Variants in SPATA13 observed in about 807,000 individuals in gnomAD.
SPATA13 encodes spermatogenesis-associated protein 13.
In SPATA13, 50 loss-of-function variants were observed where a neutral mutation model predicts 104.0. The ratio of observed to expected loss-of-function variants is 0.48; its 90% CI spans 0.38 to 0.61. The LOEUF (loss-of-function observed/expected upper bound fraction) is 0.61, where lower values mean the gene tolerates loss of function less well. SPATA13 is among the 20% of genes least tolerant of loss of function. SPATA13 has a pLI of 0.00. For synonymous variants in SPATA13, 606 were observed against 667.5 expected (o/e 0.91, Z 1.42); for missense variants, 1,524 against 1,690.6 (o/e 0.90, Z 1.73).
rs1877487820 is a variant in SPATA13 at position 24,305,048 on chromosome 13, G to A, written c.*2275G>A. On this transcript the variant is annotated 3_prime_UTR_variant, in exon 13 of 13. Transcript: ENST00000382108. ...CAATTTTGAACAAATTGTTTTAAAT[G>A]TAATATAAGAGAATTAGTTTAAGGA... 1 of 152,190 alleles carries A rather than the reference G, an allele frequency of 6.6e-6. No homozygotes were observed. The highest frequency in any genetic ancestry group is 1.5e-5 in the Non-Finnish European group (1 of 68,034). 9.4% of individuals were successfully genotyped at this position (152,190 alleles called of 1,614,324 possible).
chr13:24,205,676 T>G lies in SPATA13; in HGVS notation c.-111-17143T>G, dbSNP rs999753803. Among the ~76,000 whole-genome samples, 7 of 152,264 alleles carry G rather than the reference T, an allele frequency of 4.6e-5. No homozygotes were observed. The South Asian group carries it at 1.5e-3, about 32-fold the overall frequency. On this transcript the variant is annotated intron_variant, in intron 1 of 12. Coordinates refer to ENST00000382108, the MANE Select transcript of SPATA13 (RefSeq NM_001166271.3). The surrounding 1 kb of genome is among the most constrained non-coding windows in gnomAD (Gnocchi z 4.1). ...GCTGGAGGCATCACTTTACCCAACTTCAAACTATACTACAGGGTGACAGTA... is the reference window on the plus strand; with the variant it reads ...GCTGGAGGCATCACTTTACCCAACTGCAAACTATACTACAGGGTGACAGTA...
intron 3 of SPATA13, among the ~76,000 whole-genome samples, chr13:24,134,382 G>A (rs567686584): frequency 2.8e-4 from 43 of 152,282 alleles, no homozygotes; most frequent in African/African-American, 8.7e-4. Flanking sequence ...TCAGGGCATC[G>A]AACAAGCCCC....
In SPATA13 at chr13:24,303,887, T is replaced by C. The variant is rs1028193966; in HGVS notation, c.*1114T>C. 6.6e-6 allele frequency: 1 copy of C among 152,212 alleles called. No individual in the cohort carries two copies. The highest frequency in any genetic ancestry group is 2.4e-5 in the African/African-American group (1 of 41,454). 9.4% of individuals were successfully genotyped at this position (152,212 alleles called of 1,614,324 possible). On this transcript the variant is annotated 3_prime_UTR_variant, in exon 13 of 13. Transcript: ENST00000382108. ...CACCACTGCACTCCAGCCTGGGAGA[T>C]ACAGCGAGACTGTCTCCAAAAACAA... is the stretch of plus-strand genomic sequence containing the variant.
At chr13:24,213,608 G>C (rs976185022) in intron 1 of SPATA13, among the ~76,000 whole-genome samples, 1 of 152,126 alleles carries the variant, frequency 6.6e-6, no homozygotes, top group Non-Finnish European at 1.5e-5. Flanking sequence ...CCTTCTCCCT[G>C]TCCTTTTTCT....
intron 1 of SPATA13, among the ~76,000 whole-genome samples, chr13:24,174,310 T>C (rs1206776954): frequency 1.3e-5 from 2 of 152,146 alleles, no homozygotes; most frequent in African/African-American, 4.8e-5. Flanking sequence ...TTTCTATTGA[T>C]ATTTGTTTTT....
chr13:24,064,373 T>C (rs183880736), intron 3 of SPATA13, among the ~76,000 whole-genome samples: 1 of 152,310 alleles, frequency 6.6e-6, no homozygotes, highest in Non-Finnish European at 1.5e-5. Flanking sequence ...TGGAGAAACC[T>C]GGCTGCAATG....
chr13:24,005,177 ACAT>A (rs1876167076), intron 2 of SPATA13, among the ~76,000 whole-genome samples: 2 of 152,362 alleles, frequency 1.3e-5, no homozygotes, highest in South Asian at 4.1e-4. Flanking sequence ...CTGAAAGATG[ACAT>A]CAGCATTTAA....
rs557889969 is a variant in SPATA13, at chr13:24,247,806, G to A, written c.1654-1671G>A. On this transcript the variant is annotated intron_variant, in intron 2 of 12. Coordinates refer to ENST00000382108, the MANE Select transcript of SPATA13 (RefSeq NM_001166271.3). ...CTCTGCATCCACTTCTTCATGGCAC[G>A]TGGCCTCAGTGAGCATTCAGACCCT... is the stretch of plus-strand genomic sequence containing the variant. Among the ~76,000 whole-genome samples the A allele has an allele frequency of 5.3e-5, 8 of 152,196 alleles. No homozygotes were observed. In the South Asian group the frequency reaches 6.2e-4, roughly 12 times the overall value.
At chr13:24,169,759 C>T (rs1882892164) in intron 1 of SPATA13, among the ~76,000 whole-genome samples, 1 of 152,176 alleles carries the variant, frequency 6.6e-6, no homozygotes, top group Non-Finnish European at 1.5e-5. Flanking sequence ...TCCTGCAGAC[C>T]TTTCTTCTCA....
chr13:24,232,470 A>G (rs910854463), intron 2 of SPATA13, among the ~76,000 whole-genome samples: 5 of 152,248 alleles, frequency 3.3e-5, no homozygotes, highest in Admixed American at 1.3e-4. Context: ...TCTTTCACCC[A>G]ATCAAGTTGA....
chr13:24,022,987 C>T (rs1877055425), intron 3 of SPATA13, among the ~76,000 whole-genome samples: 2 of 152,072 alleles, frequency 1.3e-5, no homozygotes, highest in African/African-American at 4.8e-5. Flanking sequence ...ATGTGCACAG[C>T]GTGCAAGCTC....
intron 3 of SPATA13, among the ~76,000 whole-genome samples, chr13:24,076,069 A>G (rs1416544836): frequency 6.6e-6 from 1 of 152,228 alleles, no homozygotes; most frequent in Non-Finnish European, 1.5e-5. Flanking sequence ...ACACGGAAAC[A>G]CGTTTCCCCA....
chr13:24,281,520 G>A (rs746190287), intron 4 of SPATA13, among the ~76,000 whole-genome samples: 3 of 152,238 alleles, frequency 2.0e-5, no homozygotes, highest in Admixed American at 1.3e-4. Flanking sequence ...TGGGGCACAG[G>A]TGCGGACCCA....
At chr13:24,024,618 C>T (rs5021764) in intron 3 of SPATA13, among the ~76,000 whole-genome samples, 81,097 of 151,194 alleles carry the variant, frequency 0.54, 21,874 homozygotes, top group Middle Eastern at 0.57. Flanking sequence ...CGCTATGATG[C>T]ATCCAGTGCT....
chr13:24,114,441 A>T (rs1167804437), intron 3 of SPATA13, among the ~76,000 whole-genome samples: 1 of 140,480 alleles, frequency 7.1e-6, no homozygotes, highest in Non-Finnish European at 1.6e-5. Context: ...ACCACAGCAG[A>T]CTACTTGGTG....
At chr13:24,139,847 A>C (rs570205293) in intron 3 of SPATA13, among the ~76,000 whole-genome samples, 110 of 152,232 alleles carry the variant, frequency 7.2e-4, no homozygotes, top group South Asian at 2.7e-3. Context: ...GAGGGCGGAT[A>C]ACGAGGTCAG....
At chr13:24,110,960 C>G (rs76869103) in intron 3 of SPATA13, among the ~76,000 whole-genome samples, 25,344 of 152,016 alleles carry the variant, frequency 0.17, 2,142 homozygotes, top group South Asian at 0.24. Flanking sequence ...TGCTCTTGAC[C>G]AGGCTGGACT....
Position 24,043,778 on chromosome 13 carries a change from C to T in SPATA13, c.-112+26077C>T, listed in dbSNP as rs1354505276. ...CATTCTGCAGCATGTTTTCCCGATTCTGTGCTGATTCATCACACACTGAGA... is the reference window on the plus strand; with the variant it reads ...CATTCTGCAGCATGTTTTCCCGATTTTGTGCTGATTCATCACACACTGAGA... On this transcript the variant is annotated intron_variant, in intron 3 of 14. Transcript: ENST00000424834. 2.0e-5 allele frequency among the ~76,000 whole-genome samples: 3 copies of T among 152,152 alleles called. No homozygotes were observed. The East Asian group carries it at 5.8e-4, about 29-fold the overall frequency.
chr13:24,165,225 C>T (rs1237543), intron 1 of SPATA13, among the ~76,000 whole-genome samples: 22,785 of 152,102 alleles, frequency 0.15, 2,587 homozygotes, highest in African/African-American at 0.31. Context: ...TGTGGAATCA[C>T]GAGAGCGCAG....
Sources: allele counts gnomAD v4.1 joint callset (sites outside exome capture counted in the v4.1 genomes callset), GRCh38; gene constraint gnomAD v4.1.1; non-coding constraint Gnocchi (gnomAD v3.1); transcripts MANE v1.5; gene names NCBI Gene and HGNC (gene_info 2026-07-23, HGNC 2026-07-21).